Variants in SLC2A6 observed in about 807,000 individuals in gnomAD.
The protein encoded by SLC2A6 is solute carrier family 2, facilitated glucose transporter member 6.
A neutral mutation model predicts 47.8 loss-of-function variants in SLC2A6; 39 were observed. The observed-to-expected ratio is 0.82, with a 90% confidence interval of 0.63 to 1.07. The LOEUF (loss-of-function observed/expected upper bound fraction) is 1.07. SLC2A6 is among the 50% of genes least tolerant of loss of function. The pLI is 0.00. For missense variants in SLC2A6, 650 were observed against 707.6 expected, an observed-to-expected ratio of 0.92 and a Z score of 0.92; for synonymous variants, 346 against 324.1, an observed-to-expected ratio of 1.07 and a Z score of -0.73.
chr9:133,478,870 A>T, intron 1 of SLC2A6, 98 bp downstream of exon 1: 1 of 1,058,986 alleles, frequency 9.4e-7, no homozygotes, highest in Non-Finnish European at 1.3e-6. Context: ...GGTGGCGACT[A>T]GGTCAGGGGA....
chr9:133,477,269 T>G (rs1554803709), intron 2 of SLC2A6, 28 bp from the exon 3 acceptor site: 2 of 1,547,276 alleles, frequency 1.3e-6, no homozygotes, highest in East Asian at 4.9e-5. Flanking sequence ...GCAGGGCAGA[T>G]ATGTCTGGGC....
rs1843898540 is a variant in SLC2A6 at position 133,475,278 on chromosome 9, C to G, written c.774+122G>C. On this transcript the variant is annotated intron_variant, in intron 5 of 9. Transcript: ENST00000371899. The stretch of plus-strand genomic sequence containing the variant: ...CTCTGGGAACAGCCCCCCACCCCAA[C>G]CCAGGCACTTGGATTAGTGGGAACT... The G allele has an allele frequency of 1.3e-5, 18 of 1,364,788 alleles. No individual in the cohort carries two copies. The South Asian group carries it at 2.5e-4, about 19-fold the overall frequency. The allele number at this position is 1,364,788 out of a possible 1,614,324, so 84.5% of individuals were successfully genotyped here.
At chr9:133,476,893 C>G in intron 3 of SLC2A6, 142 bp downstream of exon 3, 1 of 916,658 alleles carries the variant, frequency 1.1e-6, no homozygotes, top group South Asian at 1.6e-5. Context: ...TGGGGGTGAG[C>G]TGAGGCGCCC....
rs957262351 is a variant in SLC2A6, at chr9:133,478,170, G to C, written c.255+84C>G. 7.4e-6 allele frequency: 11 copies of C among 1,486,442 alleles called. No homozygotes were observed. The African/African-American group carries it at 1.5e-4, about 21-fold the overall frequency. 92.1% of individuals were successfully genotyped at this position (1,486,442 alleles called of 1,614,324 possible). ...GCCCTGGAGGGACCCCCAAGGTGGA[G>C]AATTTGGGAGGTTCCTAGCTGGAGA... On this transcript the variant is annotated intron_variant, in intron 2 of 9. Coordinates refer to ENST00000371899, the MANE Select transcript of SLC2A6 (RefSeq NM_017585.4).
chr9:133,474,948 G>T lies in SLC2A6; in HGVS notation c.927+13C>A. 6.6e-7 allele frequency: 1 copy of T among 1,519,628 alleles called. No individual in the cohort carries two copies. 94.1% of individuals were successfully genotyped at this position (1,519,628 alleles called of 1,614,324 possible). A position where few individuals can be genotyped will look rare whatever the true frequency, so the allele number is the denominator to read the frequency against. On this transcript the variant is annotated intron_variant, in intron 6 of 9. Transcript: ENST00000371899. ...ACCCCGTGGGTGGGCGCCGGCCGGG[G>T]CTGGGCTCTCACCAGCAGGACAGCG... is the stretch of plus-strand genomic sequence containing the variant.
chr9:133,474,099 G>A lies in SLC2A6; in HGVS notation c.928-11C>T. ...GTCGTCCTTGGGGGGCTATCGGGGG[G>A]AGACCACCAGGGCTGAGGGACCTGC... On this transcript the variant is annotated splice_polypyrimidine_tract_variant and intron_variant, in intron 6 of 9. Coordinates refer to ENST00000371899, the MANE Select transcript of SLC2A6 (RefSeq NM_017585.4). The A allele has an allele frequency of 6.3e-7, 1 of 1,585,368 alleles. No homozygotes were observed. Among genetic ancestry groups the A allele is most frequent in the Middle Eastern group, 2.0e-4 (1 of 5,012 alleles).
At chr9:133,473,857 A>C in intron 7 of SLC2A6, 123 bp downstream of exon 7, 5 of 844,028 alleles carry the variant, frequency 5.9e-6, no homozygotes, top group Non-Finnish European at 7.2e-6. Flanking sequence ...TGCCGATGCT[A>C]GGGAGGCAGG....
In SLC2A6 at chr9:133,476,107, G is replaced by A. The variant is rs907843145; in HGVS notation, c.562+130C>T. The A allele has an allele frequency of 6.9e-6, 5 of 723,376 alleles. No homozygotes were observed. In the African/African-American group the frequency reaches 7.1e-5, roughly 10 times the overall value. The allele number at this position is 723,376 out of a possible 1,614,324, so 44.8% of individuals were successfully genotyped here. ...CAAGGTGCTGACTGAGTGGGGCCGG[G>A]ATGCCAGATCTCTTGCCTCTCAGCC... is the stretch of plus-strand genomic sequence containing the variant. On this transcript the variant is annotated intron_variant, in intron 4 of 9. Transcript: ENST00000371899.
chr9:133,476,835 G>T (rs782761670), intron 3 of SLC2A6, among the ~76,000 whole-genome samples, 200 bp downstream of exon 3: 5 of 152,234 alleles, frequency 3.3e-5, no homozygotes, highest in Admixed American at 2.0e-4. Flanking sequence ...TCCAGAGTGG[G>T]GGCAGCTGGG....
At chr9:133,474,523 T>A (rs887102698) in intron 6 of SLC2A6, among the ~76,000 whole-genome samples, 1 of 152,132 alleles carries the variant, frequency 6.6e-6, no homozygotes, top group East Asian at 1.9e-4. Context: ...CCTCAAGGGG[T>A]CCACGTTTCT....
intron 9 of SLC2A6, among the ~76,000 whole-genome samples, chr9:133,472,722 G>C (rs1393970395): frequency 1.3e-5 from 2 of 152,172 alleles, no homozygotes; most frequent in Non-Finnish European, 2.9e-5. Context: ...CCAGGAGGCA[G>C]GGGGAGTGGG....
chr9:133,475,977 G>A (rs73550884), intron 4 of SLC2A6, among the ~76,000 whole-genome samples: 5,162 of 152,342 alleles, frequency 0.034, 241 homozygotes, highest in African/African-American at 0.11. Flanking sequence ...GCTTTCTGCC[G>A]TTAAAAGATA....
At position 133,475,617 on chromosome 9, in the gene SLC2A6, G is replaced by A; in HGVS notation, c.563-6C>T. The A allele has an allele frequency of 6.3e-7, 1 of 1,575,608 alleles. No individual in the cohort carries two copies. The highest frequency in any genetic ancestry group is 8.6e-7 in the Non-Finnish European group (1 of 1,163,294). On this transcript the variant is annotated splice_region_variant and splice_polypyrimidine_tract_variant and intron_variant, in intron 4 of 9. Transcript: ENST00000371899. ...GCGCCACGGCAGCAGGAGGCCTGGG[G>A]GCGAGGGGTGGGTGAGGGGCCAGGT...
rs781983488 is a variant in SLC2A6, at chr9:133,472,049, C to T, written c.1496G>A (p.Arg499His). ...GCGCAAGAAGGACCTTCTCCCCGTG[C>T]GGAAGAAGGACTCGATCTGCTCCAG... is the stretch of plus-strand genomic sequence containing the variant. ...RSLEQIESFF[R>H]TGRRSFLR The change falls in exon 10 of 10, where the codon CGC becomes CAC. Residue 499 changes from arginine to histidine, a missense_variant. Physicochemically the swap from Arg to His is conservative, Grantham distance 29 (BLOSUM62 0). Coordinates refer to ENST00000371899, the MANE Select transcript of SLC2A6 (RefSeq NM_017585.4). The T allele has an allele frequency of 7.4e-6, 12 of 1,613,036 alleles. No individual in the cohort carries two copies. The highest frequency in any genetic ancestry group is 1.7e-5 in the Admixed American group (1 of 59,998).
chr9:133,478,585 C>G, intron 1 of SLC2A6, 169 bp from the exon 2 acceptor site: 1 of 707,506 alleles, frequency 1.4e-6, no homozygotes. Context: ...CTGGGAAATT[C>G]CCAGGCCATT....
intron 2 of SLC2A6, 67 bp downstream of exon 2, chr9:133,478,187 A>C: frequency 6.4e-7 from 1 of 1,559,284 alleles, no homozygotes; most frequent in South Asian, 1.2e-5. Context: ...GGAGGTTCCT[A>C]GCTGGAGATA....
intron 2 of SLC2A6, 86 bp downstream of exon 2, chr9:133,478,168 G>A: frequency 2.0e-6 from 3 of 1,469,570 alleles, no homozygotes; most frequent in Non-Finnish European, 2.8e-6. Flanking sequence ...CCCCAAGGTG[G>A]AGAATTTGGG....
intron 9 of SLC2A6, 97 bp downstream of exon 9, chr9:133,473,008 T>G: frequency 2.3e-6 from 3 of 1,330,470 alleles, no homozygotes; most frequent in Non-Finnish European, 3.1e-6. Flanking sequence ...AGAGTTAGGG[T>G]CCTGACAGCA....
intron 6 of SLC2A6, 82 bp from the exon 7 acceptor site, chr9:133,474,170 A>C (rs981457330): frequency 6.1e-6 from 7 of 1,145,660 alleles, no homozygotes; most frequent in African/African-American, 1.5e-5. Flanking sequence ...CCCGGCAGGC[A>C]TTGCAGGGGC....
Sources: allele counts gnomAD v4.1 joint callset (sites outside exome capture counted in the v4.1 genomes callset), GRCh38; gene constraint gnomAD v4.1.1; transcripts MANE v1.5; gene names NCBI Gene and HGNC (gene_info 2026-07-23, HGNC 2026-07-21).